The following NCKAP1L variants were observed in gnomAD, a reference collection of about 807,000 sequenced individuals.
NCKAP1L encodes nck-associated protein 1-like.
In NCKAP1L, 53 loss-of-function variants were observed where a neutral mutation model predicts 139.2. The observed-to-expected ratio is 0.38, with a 90% CI of 0.31 to 0.48. The LOEUF is 0.48. Among genes scored for constraint, NCKAP1L ranks in the 20% least tolerant of loss-of-function variants. The pLI is 0.98. For synonymous variants in NCKAP1L, 468 were observed against 499.7 expected (o/e 0.94, Z 0.85); for missense variants, 1,151 against 1,381.9 (o/e 0.83, Z 2.65).
At chr12:54,533,145 C>T (rs1957086185) in intron 26 of NCKAP1L, among the ~76,000 whole-genome samples, 1 of 152,174 alleles carries the variant, frequency 6.6e-6, no homozygotes, top group African/African-American at 2.4e-5. Flanking sequence ...ATAGCTGCCC[C>T]TCTTGAAAGA....
rs1299119878 is a variant in NCKAP1L, at chr12:54,523,961, C to T, written c.2156+5C>T. 6.2e-7 allele frequency: 1 copy of T among 1,612,758 alleles called. No homozygotes were observed. The highest frequency in any genetic ancestry group is 1.3e-5 in the African/African-American group (1 of 74,926). On this transcript the variant is annotated splice_donor_5th_base_variant and intron_variant, in intron 20 of 30. Transcript: ENST00000293373. Reference sequence around the variant, plus strand: ...CCTGGAGGCCAGACTCAACAGGTATCACTCTTTCCTTGTCCTCTGTTTGGA... The same window carrying T: ...CCTGGAGGCCAGACTCAACAGGTATTACTCTTTCCTTGTCCTCTGTTTGGA...
At chr12:54,518,404 T>TC (rs1363648758) in intron 13 of NCKAP1L, among the ~76,000 whole-genome samples, 1 of 151,850 alleles carries the variant, frequency 6.6e-6, no homozygotes, top group Admixed American at 6.6e-5. Context: ...GGACTAATAA[T>TC]CTCAGCCGTC....
intron 7 of NCKAP1L, among the ~76,000 whole-genome samples, chr12:54,510,994 T>C (rs79898334): frequency 0.078 from 11,842 of 152,290 alleles, 632 homozygotes; most frequent in Middle Eastern, 0.14. Context: ...TTGATGACTG[T>C]GGGCTCAAAG....
chr12:54,532,018 A>T (rs946881627), intron 25 of NCKAP1L, 152 bp from the exon 26 acceptor site: 59 of 750,116 alleles, frequency 7.9e-5, no homozygotes, highest in East Asian at 3.3e-4. Flanking sequence ...AGCTTAGGAA[A>T]CCTAGAGGCA....
intron 5 of NCKAP1L, 90 bp downstream of exon 5, chr12:54,508,621 A>G: frequency 2.3e-6 from 3 of 1,316,580 alleles, no homozygotes; most frequent in Non-Finnish European, 3.2e-6. Context: ...TGATGCCATG[A>G]TTTCTTATAT....
chr12:54,498,602 A>C (rs1956769787), intron 1 of NCKAP1L, among the ~76,000 whole-genome samples: 1 of 152,076 alleles, frequency 6.6e-6, no homozygotes, highest in Admixed American at 6.6e-5. Flanking sequence ...TTGTAATAAA[A>C]CAAATCACCA....
rs1956778273 is a variant in NCKAP1L at position 54,499,357 on chromosome 12, T to C, written c.105T>C (p.Thr35=). The change falls in exon 2 of 31, where the codon ACT becomes ACC. Residue 35 remains threonine, a splice_region_variant and synonymous_variant. Coordinates refer to ENST00000293373, the MANE Select transcript of NCKAP1L (RefSeq NM_005337.5). ...ATATATATGGTTTCTCTCTGCAGAC[T>C]TGTTCAGACCCCAAATCTAAGCCAC... The part of the protein sequence containing the change: ...VLIRMYNIKK[T]CSDPKSKPPF... The C allele has an allele frequency of 6.4e-7, 1 of 1,566,702 alleles. No homozygotes were observed. Among genetic ancestry groups the C allele is most frequent in the Non-Finnish European group, 8.8e-7 (1 of 1,137,026 alleles).
intron 26 of NCKAP1L, 54 bp downstream of exon 26, chr12:54,532,304 G>C: frequency 6.9e-7 from 1 of 1,454,320 alleles, no homozygotes; most frequent in South Asian, 1.2e-5. Context: ...TGTTGAAAAG[G>C]AGGTAGCTAG....
At position 54,543,642 on chromosome 12, in the gene NCKAP1L, T is replaced by C. The variant is rs1468392917; in HGVS notation, c.*957T>C. 22 of 152,222 alleles carry C rather than the reference T, an allele frequency of 1.4e-4. No individual in the cohort carries two copies. The highest frequency in any genetic ancestry group is 1.4e-3 in the Admixed American group (22 of 15,290). The allele number at this position is 152,222 out of a possible 1,614,324, so 9.4% of individuals were successfully genotyped here. ...ATTTCACAGACCTCATTAGGTTGTATGGCCCTGAGAGTGGGTATCCTTGAG... is the reference window on the plus strand; with the variant it reads ...ATTTCACAGACCTCATTAGGTTGTACGGCCCTGAGAGTGGGTATCCTTGAG... On this transcript the variant is annotated 3_prime_UTR_variant, in exon 31 of 31. Transcript: ENST00000293373.
intron 29 of NCKAP1L, 106 bp downstream of exon 29, chr12:54,537,159 C>G (rs1322018103): frequency 4.3e-6 from 3 of 691,182 alleles, no homozygotes; most frequent in Non-Finnish European, 5.0e-6. Context: ...AGTCTAACTT[C>G]CCACCTAATT....
At chr12:54,540,523 T>A (rs1485962476) in intron 30 of NCKAP1L, among the ~76,000 whole-genome samples, 1 of 152,234 alleles carries the variant, frequency 6.6e-6, no homozygotes, top group Admixed American at 6.5e-5. Context: ...TGAACTCTTC[T>A]GAGACTTCGG....
intron 26 of NCKAP1L, among the ~76,000 whole-genome samples, chr12:54,532,583 C>A (rs185878941): frequency 6.6e-6 from 1 of 152,144 alleles, no homozygotes; most frequent in African/African-American, 2.4e-5. Flanking sequence ...CAAACAAGTC[C>A]GCTCTTTAGT....
Position 54,500,559 on chromosome 12 carries a change from A to T in NCKAP1L, c.240A>T (p.Glu80Asp). 8 of 1,613,650 alleles carry T rather than the reference A, an allele frequency of 5.0e-6. No individual in the cohort carries two copies. Among genetic ancestry groups the T allele is most frequent in the Non-Finnish European group, 6.8e-6 (8 of 1,179,584 alleles). ...STQHLGPVHR[E>D]KAEIIRFLTN... ...AACATTTAGGACCAGTACATCGTGA[A>T]AAAGCCGAGATAATTAGATTCCTCA... The change falls in exon 3 of 31, where the codon GAA becomes GAT. Residue 80 changes from glutamate to aspartate, a missense_variant. By Grantham distance (45) the Glu-to-Asp change is conservative (BLOSUM62 2). Coordinates refer to ENST00000293373, the MANE Select transcript of NCKAP1L (RefSeq NM_005337.5).
chr12:54,497,828 G>C lies in NCKAP1L; in HGVS notation c.39G>C (p.Glu13Asp), dbSNP rs1441025504. Residue 13 changes from glutamate (E) to aspartate (D), a missense_variant, in exon 1 of 31, where the codon GAG (glutamate) becomes GAC (aspartate). Coordinates refer to ENST00000293373, the MANE Select transcript of NCKAP1L (RefSeq NM_005337.5). ...LTSAYQHKLA[E>D]KLTILNDRGQ... ...CTGCTTACCAGCATAAATTAGCAGA[G>C]AAGCTCACTATCCTGAATGATCGCG... The C allele has an allele frequency of 1.2e-6, 2 of 1,613,734 alleles. No individual in the cohort carries two copies. The highest frequency in any genetic ancestry group is 2.7e-5 in the African/African-American group (2 of 74,928).
chr12:54,527,842 CT>C (rs1957038845), intron 21 of NCKAP1L, among the ~76,000 whole-genome samples: 1 of 152,162 alleles, frequency 6.6e-6, no homozygotes, highest in African/African-American at 2.4e-5. Flanking sequence ...ACAGGTACCT[CT>C]TTGCCCAGGA....
chr12:54,516,798 C>A, intron 10 of NCKAP1L, 98 bp from the exon 11 acceptor site: 1 of 1,067,046 alleles, frequency 9.4e-7, no homozygotes, highest in Non-Finnish European at 1.4e-6. Context: ...TTCCTTCTGC[C>A]TGATATCCCT....
In NCKAP1L at chr12:54,509,852, T is replaced by C. The variant is rs1271332448; in HGVS notation, c.602T>C (p.Val201Ala). 6.2e-7 allele frequency: 1 copy of C among 1,614,212 alleles called. No homozygotes were observed. The highest frequency in any genetic ancestry group is 1.7e-5 in the Admixed American group (1 of 60,024). The change falls in exon 7 of 31, where the codon GTG becomes GCG. Residue 201 changes from valine to alanine, a missense_variant. Val to Ala is a moderately conservative substitution (Grantham distance 64). Transcript: ENST00000293373. ...TEEFGPHTKA[V>A]SGALLSLHFL... ...TTCATTTGCTTTTCCCCACAGGCTG[T>C]GAGTGGAGCCCTCCTCTCTTTGCAT...
chr12:54,530,910 ACTTAAGGTCTTACGT>A (rs1957063701), intron 22 of NCKAP1L, among the ~76,000 whole-genome samples: 1 of 152,246 alleles, frequency 6.6e-6, no homozygotes, highest in African/African-American at 2.4e-5. Context: ...AGGTTCAATG[ACTTAAGGTCTTACGT>A]CTAATAAAAC....
chr12:54,511,487 G>C (rs1356235243), intron 7 of NCKAP1L, among the ~76,000 whole-genome samples: 1 of 152,220 alleles, frequency 6.6e-6, no homozygotes, highest in Non-Finnish European at 1.5e-5. Context: ...GCTCACTGCA[G>C]CCTTGACCTC....
Sources: gnomAD v4.1 joint callset for allele counts (sites outside exome capture counted in the v4.1 genomes callset) on GRCh38, gnomAD v4.1.1 for gene constraint, MANE v1.5 for transcripts, NCBI Gene and HGNC (gene_info 2026-07-23, HGNC 2026-07-21) for gene names.